Variants in ACR observed in about 807,000 individuals in gnomAD.
ACR encodes acrosin light and heavy chain prepropeptide.
In ACR, 17 loss-of-function variants were observed where a neutral mutation model predicts 26.0. The ratio of observed to expected loss-of-function variants is 0.65; its 90% CI spans 0.45 to 0.98. ACR has a LOEUF of 0.98. Among genes scored for constraint, ACR ranks in the 50% least tolerant of loss-of-function variants. ACR has a pLI of 0.00. For missense variants in ACR, 435 were observed against 519.3 expected (o/e 0.84, Z 1.58); for synonymous variants, 199 against 207.7 (o/e 0.96, Z 0.36).
At chr22:50,743,322 A>G (rs2083434991) in intron 3 of ACR, among the ~76,000 whole-genome samples, 1 of 152,180 alleles carries the variant, frequency 6.6e-6, no homozygotes, top group South Asian at 2.1e-4. Flanking sequence ...GGCGTGAGCC[A>G]CCGCGCCCAG....
chr22:50,744,077 T>C lies in ACR; in HGVS notation c.582T>C (p.Ser194=), dbSNP rs142763472. 8.7e-6 allele frequency: 14 copies of C among 1,612,854 alleles called. No homozygotes were observed. The African/African-American group carries it at 1.9e-4, about 22-fold the overall frequency. Residue 194 remains serine (S), a synonymous_variant, in exon 4 of 5, where the codon TCT becomes TCC. Coordinates refer to ENST00000216139, the MANE Select transcript of ACR (RefSeq NM_001097.3). ...TGACTATAGCCCCCAGGCCATCATC[T>C]ATACTGATGGAGGCACGTGTGGATC... is the stretch of plus-strand genomic sequence containing the variant. ...YIEEKAPRPS[S]ILMEARVDLI... is the part of the protein sequence containing the mutation.
Position 50,744,971 on chromosome 22 carries a change from C to T in ACR, c.1030C>T (p.Pro344Ser). The T allele has an allele frequency of 9.1e-7, 1 of 1,102,770 alleles. No homozygotes were observed. Among genetic ancestry groups the T allele is most frequent in the Non-Finnish European group, 1.3e-6 (1 of 797,010 alleles). 68.3% of individuals were successfully genotyped at this position (1,102,770 alleles called of 1,614,324 possible). The change falls in exon 5 of 5, where the codon CCC (proline) becomes TCC (serine). Residue 344 changes from proline to serine, a missense_variant. Transcript: ENST00000216139. ...TCCACCCCGACCACCGGCAGCCCAG[C>T]CCCGACCCCCACCTTCACCCCCGCC... is the stretch of plus-strand genomic sequence containing the variant. ...PLPPRPPAAQ[P>S]RPPPSPPPPP...
intron 3 of ACR, among the ~76,000 whole-genome samples, chr22:50,742,489 A>G (rs989027676): frequency 1.2e-4 from 18 of 150,332 alleles, no homozygotes; most frequent in African/African-American, 4.4e-4. Flanking sequence ...GCTTGCAGTG[A>G]GCCGAGATGG....
chr22:50,743,123 C>T (rs2083433018), intron 3 of ACR, among the ~76,000 whole-genome samples: 1 of 151,280 alleles, frequency 6.6e-6, no homozygotes, highest in African/African-American at 2.4e-5. Flanking sequence ...GCAAGCTCCG[C>T]CTCCCGGGTT....
chr22:50,743,818 G>A lies in ACR; in HGVS notation c.566-243G>A, dbSNP rs188459010. Among the ~76,000 whole-genome samples, 30 of 152,174 alleles carry A rather than the reference G, an allele frequency of 2.0e-4. No individual in the cohort carries two copies. The Middle Eastern group carries it at 0.01, about 52-fold the overall frequency. ...ACCCACCCCCCATCCACCTGTCCAC[G>A]GGCCTCCACCCTTCCTTCCTCTCTT... On this transcript the variant is annotated intron_variant, in intron 3 of 4. Coordinates refer to ENST00000216139, the MANE Select transcript of ACR (RefSeq NM_001097.3).
At chr22:50,741,467 G>C (rs2083424448) in intron 3 of ACR, among the ~76,000 whole-genome samples, 1 of 151,684 alleles carries the variant, frequency 6.6e-6, no homozygotes, top group Non-Finnish European at 1.5e-5. Flanking sequence ...TTCCTGGGAG[G>C]CTGATCTTAG....
intron 1 of ACR, among the ~76,000 whole-genome samples, chr22:50,738,631 C>T (rs2083409519): frequency 6.6e-6 from 1 of 151,252 alleles, no homozygotes; most frequent in African/African-American, 2.4e-5. Flanking sequence ...TTGCCCCCAA[C>T]AGCCCCAGGA....
chr22:50,739,206 T>C lies in ACR; in HGVS notation c.78-65T>C, dbSNP rs2083412470. 4.9e-6 allele frequency: 7 copies of C among 1,415,192 alleles called. No homozygotes were observed. The South Asian group carries it at 6.2e-5, about 13-fold the overall frequency. The allele number at this position is 1,415,192 out of a possible 1,614,324, so 87.7% of individuals were successfully genotyped here. A position where few individuals can be genotyped will look rare whatever the true frequency, so the allele number is the denominator to read the frequency against. ...ACCCCATGTCCCTGCCTCCCCTCAGTTGTGGAGTTACAAGGACAGGCTGTG... is the reference window on the plus strand; with the variant it reads ...ACCCCATGTCCCTGCCTCCCCTCAGCTGTGGAGTTACAAGGACAGGCTGTG... On this transcript the variant is annotated intron_variant, in intron 1 of 4. Coordinates refer to ENST00000216139, the MANE Select transcript of ACR (RefSeq NM_001097.3). The surrounding 1 kb of genome is among the most constrained non-coding windows in gnomAD (Gnocchi z 5.5).
At position 50,739,140 on chromosome 22, in the gene ACR, C is replaced by T. The variant is rs2083412129; in HGVS notation, c.78-131C>T. 3.7e-6 allele frequency: 3 copies of T among 802,924 alleles called. No individual in the cohort carries two copies. In the Admixed American group the frequency reaches 7.2e-5, roughly 19 times the overall value. The allele number at this position is 802,924 out of a possible 1,614,324, so 49.7% of individuals were successfully genotyped here. ...GCTTCCTACATAGCGCAGGCTGCCC[C>T]TGCTTTCCCAGAACCCGGAAGCTCT... is the stretch of plus-strand genomic sequence containing the variant. On this transcript the variant is annotated intron_variant, in intron 1 of 4. Coordinates refer to ENST00000216139, the MANE Select transcript of ACR (RefSeq NM_001097.3). This position sits in a 1 kb window ranked among gnomAD's most constrained non-coding sequence, Gnocchi z 5.5.
At chr22:50,743,324 C>T (rs551425148) in intron 3 of ACR, among the ~76,000 whole-genome samples, 12 of 152,310 alleles carry the variant, frequency 7.9e-5, no homozygotes, top group African/African-American at 2.2e-4. Flanking sequence ...CGTGAGCCAC[C>T]GCGCCCAGCC....
chr22:50,743,835 T>A (rs1393946996), intron 3 of ACR, among the ~76,000 whole-genome samples: 2 of 152,066 alleles, frequency 1.3e-5, no homozygotes, highest in Non-Finnish European at 2.9e-5. Flanking sequence ...CACCCTTCCT[T>A]CCTCTCTTCC....
chr22:50,743,197 G>A (rs1310852386), intron 3 of ACR, among the ~76,000 whole-genome samples: 9 of 150,626 alleles, frequency 6.0e-5, no homozygotes, highest in Admixed American at 2.0e-4. Flanking sequence ...CACCATGCCT[G>A]GCTAATTTTT....
intron 3 of ACR, among the ~76,000 whole-genome samples, chr22:50,742,123 C>T (rs893237227): frequency 1.5e-4 from 22 of 150,356 alleles, no homozygotes; most frequent in Non-Finnish European, 4.4e-5. Flanking sequence ...GTAACAAGAG[C>T]GAAACTTCAT....
intron 3 of ACR, chr22:50,740,577 G>C: frequency 1.4e-6 from 1 of 702,428 alleles, no homozygotes; most frequent in Non-Finnish European, 2.6e-6. Context: ...GGGACCGGTG[G>C]TTGGTGTGGC....
chr22:50,742,885 G>A (rs1222544958), intron 3 of ACR, among the ~76,000 whole-genome samples: 1 of 152,158 alleles, frequency 6.6e-6, no homozygotes, highest in East Asian at 1.9e-4. Context: ...CACCCCCAGG[G>A]TTGTAGGTGC....
At chr22:50,740,065 G>A (rs1213406046) in intron 3 of ACR, 88 bp downstream of exon 3, 1 of 1,555,640 alleles carries the variant, frequency 6.4e-7, no homozygotes, top group Non-Finnish European at 8.8e-7. Flanking sequence ...TTGACACCCA[G>A]CCAGGCTGCT....
intron 3 of ACR, 182 bp downstream of exon 3, chr22:50,740,159 C>T (rs535209855): frequency 4.1e-5 from 32 of 789,470 alleles, no homozygotes; most frequent in South Asian, 2.6e-4. Context: ...ATGGGTGACT[C>T]GTCTGGCTGT....
intron 3 of ACR, chr22:50,740,920 T>G (rs1414261223): frequency 3.7e-6 from 2 of 541,084 alleles, no homozygotes; most frequent in African/African-American, 3.8e-5. Context: ...ACACTAGAGA[T>G]ACCATTTATC....
In ACR at chr22:50,740,063, C is replaced by G. The variant is rs778727557; in HGVS notation, c.565+86C>G. ...GGTGCAGCGGTCACTTGTTGACACC[C>G]AGCCAGGCTGCTTTCATCCTCCTCA... On this transcript the variant is annotated intron_variant, in intron 3 of 4. Coordinates refer to ENST00000216139, the MANE Select transcript of ACR (RefSeq NM_001097.3). 3.9e-6 allele frequency: 6 copies of G among 1,557,790 alleles called. No homozygotes were observed. The South Asian group carries it at 6.7e-5, about 17-fold the overall frequency.
Sources: allele counts gnomAD v4.1 joint callset (sites outside exome capture counted in the v4.1 genomes callset), GRCh38; gene constraint gnomAD v4.1.1; non-coding constraint Gnocchi (gnomAD v3.1); transcripts MANE v1.5; gene names NCBI Gene and HGNC (gene_info 2026-07-23, HGNC 2026-07-21).